Variants in LCLAT1 observed in about 807,000 individuals in gnomAD.
LCLAT1 encodes lysocardiolipin acyltransferase 1, also known as 1-AGP acyltransferase 8.
A neutral mutation model predicts 30.7 loss-of-function variants in LCLAT1; 11 were observed. The ratio of observed to expected loss-of-function variants is 0.36; its 90% CI spans 0.23 to 0.59. LCLAT1 has a LOEUF of 0.59. Ranked by LOEUF, LCLAT1 falls within the 20% of genes least tolerant of loss-of-function variation. The pLI is 0.77. For synonymous variants in LCLAT1, 155 were observed against 151.3 expected, an observed-to-expected ratio of 1.02 and a Z score of -0.18; for missense variants, 402 against 458.6, an observed-to-expected ratio of 0.88 and a Z score of 1.13.
chr2:30,615,522 C>T (rs925170265), intron 5 of LCLAT1, among the ~76,000 whole-genome samples: 4 of 152,114 alleles, frequency 2.6e-5, no homozygotes, highest in African/African-American at 4.8e-5. Flanking sequence ...TTGAGCAGTA[C>T]TAAGGAGCTG....
At position 30,562,189 on chromosome 2, in the gene LCLAT1, A is replaced by G. The variant is rs1394369479; in HGVS notation, c.408A>G (p.Lys136=). 1 of 1,613,572 alleles carries G rather than the reference A, an allele frequency of 6.2e-7. No homozygotes were observed. Among genetic ancestry groups the G allele is most frequent in the South Asian group, 1.1e-5 (1 of 91,012 alleles). Reference sequence around the variant, plus strand: ...CTGCCTATATCTTCATTCATAGGAAATGGAAGGATGACAAGAGCCATTTCG... The same window carrying G: ...CTGCCTATATCTTCATTCATAGGAAGTGGAAGGATGACAAGAGCCATTTCG... The part of the protein sequence containing the change: ...QAAAYIFIHR[K]WKDDKSHFED... The change falls in exon 4 of 6, where the codon AAA becomes AAG. Residue 136 remains lysine, a synonymous_variant. Transcript: ENST00000379509.
At chr2:30,510,058 A>G (rs1457334312) in intron 1 of LCLAT1, among the ~76,000 whole-genome samples, 1 of 152,164 alleles carries the variant, frequency 6.6e-6, no homozygotes, top group South Asian at 2.1e-4. Context: ...TTTTGGTGAT[A>G]ACAACTTTCA....
intron 5 of LCLAT1, among the ~76,000 whole-genome samples, chr2:30,637,784 G>A (rs2148536719): frequency 6.6e-6 from 1 of 152,224 alleles, no homozygotes; most frequent in East Asian, 1.9e-4. Flanking sequence ...CACCATCTTG[G>A]TCAGGCTGGT....
chr2:30,512,653 A>C (rs536631065), intron 1 of LCLAT1, among the ~76,000 whole-genome samples: 1 of 152,232 alleles, frequency 6.6e-6, no homozygotes. Flanking sequence ...ACACATTTTT[A>C]AAAAATTTGG....
At chr2:30,538,698 A>C (rs1203725169) in intron 3 of LCLAT1, among the ~76,000 whole-genome samples, 1 of 151,136 alleles carries the variant, frequency 6.6e-6, no homozygotes, top group Non-Finnish European at 1.5e-5. Flanking sequence ...GTAATATGAG[A>C]TATTACAACT....
intron 5 of LCLAT1, among the ~76,000 whole-genome samples, chr2:30,598,983 T>TTTTC (rs1667055913): frequency 7.4e-6 from 1 of 135,010 alleles, no homozygotes; most frequent in Admixed American, 7.7e-5. Flanking sequence ...TTTTTTTTTC[T>TTTTC]TTTCTTTTTT....
intron 5 of LCLAT1, among the ~76,000 whole-genome samples, chr2:30,615,841 C>T (rs1667969884): frequency 6.6e-6 from 1 of 152,162 alleles, no homozygotes; most frequent in African/African-American, 2.4e-5. Context: ...AGTACTAAAT[C>T]AGATTACTTG....
intron 4 of LCLAT1, among the ~76,000 whole-genome samples, chr2:30,564,211 C>T (rs890697185): frequency 6.6e-6 from 1 of 151,906 alleles, no homozygotes; most frequent in Non-Finnish European, 1.5e-5. Context: ...ATTGAAATAT[C>T]AGCTTTATTT....
At chr2:30,457,800 C>CATTT (rs1181129992) in intron 1 of LCLAT1, among the ~76,000 whole-genome samples, 2 of 152,300 alleles carry the variant, frequency 1.3e-5, no homozygotes, top group African/African-American at 4.8e-5. Context: ...GTTTGAATCC[C>CATTT]ATTTACTGTT....
At chr2:30,600,397 A>G (rs191972541) in intron 5 of LCLAT1, among the ~76,000 whole-genome samples, 2 of 152,294 alleles carry the variant, frequency 1.3e-5, no homozygotes, top group Admixed American at 6.5e-5. Flanking sequence ...ATAGCACTAA[A>G]TGCTCACATT....
chr2:30,609,779 G>A (rs72863003), intron 5 of LCLAT1, among the ~76,000 whole-genome samples: 2,049 of 151,954 alleles, frequency 0.013, 37 homozygotes, highest in African/African-American at 0.046. Flanking sequence ...ACTTGTATTC[G>A]TTTCCTGTGT....
chr2:30,608,194 G>T (rs1025648349), intron 5 of LCLAT1, among the ~76,000 whole-genome samples: 12 of 151,650 alleles, frequency 7.9e-5, no homozygotes, highest in Admixed American at 2.0e-4. Context: ...GGTGGCAGGT[G>T]CCTCTATTCC....
At chr2:30,475,454 T>C (rs1460960811) in intron 1 of LCLAT1, among the ~76,000 whole-genome samples, 1 of 152,148 alleles carries the variant, frequency 6.6e-6, no homozygotes, top group African/African-American at 2.4e-5. Context: ...TTGCATACAA[T>C]TATTGGAGGC....
chr2:30,477,916 T>G (rs1405215240), intron 1 of LCLAT1, among the ~76,000 whole-genome samples: 4 of 152,176 alleles, frequency 2.6e-5, no homozygotes, highest in Non-Finnish European at 4.4e-5. Flanking sequence ...ATTTTCCTTC[T>G]GTTTTTCTAA....
chr2:30,529,824 A>T (rs551495136), intron 2 of LCLAT1, among the ~76,000 whole-genome samples: 1 of 152,202 alleles, frequency 6.6e-6, no homozygotes, highest in Non-Finnish European at 1.5e-5. Context: ...TGGGATTGCA[A>T]AGCCTCAAGT....
intron 1 of LCLAT1, among the ~76,000 whole-genome samples, chr2:30,470,977 G>T (rs192421714): frequency 6.8e-6 from 1 of 147,508 alleles, no homozygotes; most frequent in African/African-American, 2.5e-5. Flanking sequence ...GCAGTGGTGC[G>T]ATCTTGGCTC....
intron 1 of LCLAT1, among the ~76,000 whole-genome samples, chr2:30,524,194 C>T (rs1401387309): frequency 1.3e-5 from 2 of 152,086 alleles, no homozygotes; most frequent in African/African-American, 4.8e-5. Flanking sequence ...GTGTTTCCAA[C>T]AAGCATTTAT....
At chr2:30,551,666 G>A (rs1015832876) in intron 3 of LCLAT1, among the ~76,000 whole-genome samples, 8 of 152,242 alleles carry the variant, frequency 5.3e-5, no homozygotes, top group African/African-American at 1.9e-4. Context: ...CTTTCTGTAG[G>A]ATTGCTACGG....
At chr2:30,630,923 A>T (rs1328234183) in intron 5 of LCLAT1, among the ~76,000 whole-genome samples, 5 of 152,238 alleles carry the variant, frequency 3.3e-5, no homozygotes, top group Non-Finnish European at 5.9e-5. Context: ...TAAATAGAAC[A>T]CTCAAAAGAA....
Sources: gnomAD v4.1 joint callset for allele counts (sites outside exome capture counted in the v4.1 genomes callset) on GRCh38, gnomAD v4.1.1 for gene constraint, MANE v1.5 for transcripts, NCBI Gene and HGNC (gene_info 2026-07-23, HGNC 2026-07-21) for gene names.